The following MRAP2 variants were observed in gnomAD, a reference collection of about 807,000 sequenced individuals.
The protein encoded by MRAP2 is melanocortin-2 receptor accessory protein 2.
In MRAP2, 20 loss-of-function variants were observed where a neutral mutation model predicts 17.4. The observed-to-expected ratio is 1.15, with a 90% CI of 0.81 to 1.67. The LOEUF (loss-of-function observed/expected upper bound fraction) is 1.67. MRAP2 is among the 40% of genes most tolerant of loss of function. The pLI, the probability that MRAP2 is intolerant of heterozygous loss-of-function variation, is 0.00. For synonymous variants in MRAP2, 96 were observed against 88.4 expected, an observed-to-expected ratio of 1.09 and a Z score of -0.48; for missense variants, 238 against 240.0, an observed-to-expected ratio of 0.99 and a Z score of 0.05.
chr6:84,083,844 C>G (rs2099499627), intron 3 of MRAP2, among the ~76,000 whole-genome samples: 1 of 152,030 alleles, frequency 6.6e-6, no homozygotes, highest in Non-Finnish European at 1.5e-5. Context: ...ATACAGACAA[C>G]ACAAATACAT....
intron 3 of MRAP2, among the ~76,000 whole-genome samples, chr6:84,080,409 T>C (rs2129173755): frequency 6.6e-6 from 1 of 152,328 alleles, no homozygotes; most frequent in South Asian, 2.1e-4. Flanking sequence ...GCTGAAGCTC[T>C]TTCTCAAAAG....
the MRAP2 span, among the ~76,000 whole-genome samples, chr6:84,119,220 A>G: frequency 0.11 from 16,206 of 152,106 alleles, 1,352 homozygotes; most frequent in African/African-American, 0.24. Flanking sequence ...TGTGAAAAAT[A>G]TTATTGTAAT....
At chr6:84,140,728 T>C in the MRAP2 span, among the ~76,000 whole-genome samples, 1 of 152,128 alleles carries the variant, frequency 6.6e-6, no homozygotes, top group African/African-American at 2.4e-5. Context: ...TCTCGTCATA[T>C]TGCCCAGGCT....
At chr6:84,107,838 T>C in the MRAP2 span, among the ~76,000 whole-genome samples, 2 of 152,242 alleles carry the variant, frequency 1.3e-5, no homozygotes, top group East Asian at 3.9e-4. Context: ...GTTAATTTGC[T>C]CAAGCAATAA....
chr6:84,133,108 G>A, the MRAP2 span, among the ~76,000 whole-genome samples: 1 of 152,138 alleles, frequency 6.6e-6, no homozygotes, highest in Non-Finnish European at 1.5e-5. Flanking sequence ...GGTCTGTTGG[G>A]AGTTTGCTTG....
chr6:84,062,034 G>A (rs1411495740), intron 2 of MRAP2: 15 of 985,482 alleles, frequency 1.5e-5, no homozygotes, highest in South Asian at 4.7e-5. Context: ...TCTGCAAGAA[G>A]TAATGAGAGC....
chr6:84,086,383 A>C (rs1340148139), intron 3 of MRAP2, among the ~76,000 whole-genome samples: 2 of 152,150 alleles, frequency 1.3e-5, no homozygotes, highest in Non-Finnish European at 2.9e-5. Flanking sequence ...GCCATCTTTC[A>C]TGATTGTTCT....
intron 1 of MRAP2, 108 bp from the exon 2 acceptor site, chr6:84,055,204 C>A: frequency 7.5e-7 from 1 of 1,332,802 alleles, no homozygotes; most frequent in Non-Finnish European, 1.0e-6. Context: ...AAGACCTCCT[C>A]AAGGGGTTTG....
intron 1 of MRAP2, among the ~76,000 whole-genome samples, chr6:84,053,487 C>T (rs1414216513): frequency 6.6e-6 from 1 of 152,128 alleles, no homozygotes; most frequent in Admixed American, 6.5e-5. Context: ...TGTCTAGGCA[C>T]CGTGGCTCAC....
the MRAP2 span, among the ~76,000 whole-genome samples, chr6:84,135,033 A>G: frequency 2.0e-5 from 3 of 152,150 alleles, no homozygotes; most frequent in Non-Finnish European, 4.4e-5. Context: ...ATGTATTTGC[A>G]TATGTACACA....
intron 3 of MRAP2, among the ~76,000 whole-genome samples, chr6:84,080,063 T>C (rs2099498592): frequency 6.6e-6 from 1 of 151,666 alleles, no homozygotes; most frequent in African/African-American, 2.4e-5. Context: ...AGATGGAATC[T>C]TGCTTGGTCA....
chr6:84,080,282 C>T lies in MRAP2; in HGVS notation c.228-8809C>T, dbSNP rs559991081. Among the ~76,000 whole-genome samples, 766 of 151,842 alleles carry T rather than the reference C, an allele frequency of 5.0e-3. 11 individuals are homozygous for T. Among genetic ancestry groups the T allele is most frequent in the African/African-American group, 0.018 (727 of 41,378 alleles). On this transcript the variant is annotated intron_variant, in intron 3 of 3. Coordinates refer to ENST00000257776, the MANE Select transcript of MRAP2 (RefSeq NM_138409.4). ...GGATCTCCTGACTTCGTGATCCGCC[C>T]GCCTCAGCCTCCCAAAGTGCTGGGA...
chr6:84,087,899 C>G (rs973307842), intron 3 of MRAP2, among the ~76,000 whole-genome samples: 6 of 152,308 alleles, frequency 3.9e-5, no homozygotes, highest in African/African-American at 1.2e-4. Flanking sequence ...AGCTGGATTA[C>G]AAACCTTCTA....
At chr6:84,045,899 A>G (rs2099488899) in intron 1 of MRAP2, among the ~76,000 whole-genome samples, 3 of 152,268 alleles carry the variant, frequency 2.0e-5, no homozygotes, top group Non-Finnish European at 4.4e-5. Context: ...GTGAAAAGCA[A>G]CTTGGTATTT....
chr6:84,056,421 C>G (rs2099491722), intron 2 of MRAP2, among the ~76,000 whole-genome samples: 1 of 152,136 alleles, frequency 6.6e-6, no homozygotes, highest in Non-Finnish European at 1.5e-5. Flanking sequence ...GTTCCTTTAG[C>G]AAAAATCATT....
chr6:84,053,577 G>T (rs1328326298), intron 1 of MRAP2, among the ~76,000 whole-genome samples: 3 of 152,218 alleles, frequency 2.0e-5, no homozygotes, highest in Non-Finnish European at 4.4e-5. Context: ...CATTTGATAA[G>T]AATTGGCTGA....
At chr6:84,112,897 T>C in the MRAP2 span, among the ~76,000 whole-genome samples, 1 of 152,146 alleles carries the variant, frequency 6.6e-6, no homozygotes, top group African/African-American at 2.4e-5. Context: ...AGTTTCCATG[T>C]AGTTGTGCAG....
At chr6:84,144,919 C>T in the MRAP2 span, among the ~76,000 whole-genome samples, 1 of 151,998 alleles carries the variant, frequency 6.6e-6, no homozygotes, top group Non-Finnish European at 1.5e-5. Context: ...GCTGAGTATT[C>T]TTATTTTCAC....
At chr6:84,067,753 T>C (rs2129169526) in intron 3 of MRAP2, among the ~76,000 whole-genome samples, 1 of 147,944 alleles carries the variant, frequency 6.8e-6, no homozygotes, top group African/African-American at 2.5e-5. Flanking sequence ...TTTTTCTTAC[T>C]GATTTGTTTG....
Sources: allele counts gnomAD v4.1 joint callset (sites outside exome capture counted in the v4.1 genomes callset), GRCh38; gene constraint gnomAD v4.1.1; transcripts MANE v1.5; gene names NCBI Gene and HGNC (gene_info 2026-07-23, HGNC 2026-07-21).